The following UBE2D3 variants were observed in gnomAD, a reference collection of about 807,000 sequenced individuals.
UBE2D3 encodes the protein ubiquitin conjugating enzyme E2 D3, also known as ubiquitin-conjugating enzyme E2 D3.
UBE2D3 carries 2 observed loss-of-function variants against 22.8 expected under a neutral mutation model. That is an observed-to-expected ratio of 0.09 (90% CI 0.04 to 0.28). The LOEUF (loss-of-function observed/expected upper bound fraction) is 0.28, where lower values mean the gene tolerates loss of function less well. Among genes scored for constraint, UBE2D3 ranks in the 10% least tolerant of loss-of-function variants. The probability of loss-of-function intolerance (pLI) is 1.00; values close to 1 mark genes in which losing one functional copy is unlikely to be tolerated. For missense variants in UBE2D3, 27 were observed against 182.5 expected, an observed-to-expected ratio of 0.15 and a Z score of 4.91; for synonymous variants, 56 against 60.4, an observed-to-expected ratio of 0.93 and a Z score of 0.34.
intron 1 of UBE2D3, among the ~76,000 whole-genome samples, chr4:102,849,804 G>A (rs993238567): frequency 6.6e-6 from 1 of 152,214 alleles, no homozygotes; most frequent in Admixed American, 6.5e-5. Context: ...TGGAGAAAGT[G>A]AAACTTTGTC....
intron 4 of UBE2D3, among the ~76,000 whole-genome samples, chr4:102,804,537 A>G (rs1290701658): frequency 6.6e-6 from 1 of 152,096 alleles, no homozygotes; most frequent in African/African-American, 2.4e-5. Flanking sequence ...TATTAGATTA[A>G]CATGTCTTTA....
chr4:102,827,140 A>T, intron 1 of UBE2D3: 2 of 986,632 alleles, frequency 2.0e-6, no homozygotes, highest in Non-Finnish European at 2.4e-6. Flanking sequence ...CCCTGACGCC[A>T]CCGTACACTC....
chr4:102,803,959 G>C (rs998336120), intron 4 of UBE2D3, among the ~76,000 whole-genome samples: 1 of 152,082 alleles, frequency 6.6e-6, no homozygotes, highest in Non-Finnish European at 1.5e-5. Context: ...AGTAGAGACT[G>C]AGTTTCACCA....
At position 102,826,540 on chromosome 4, in the gene UBE2D3, C is replaced by G; in HGVS notation, c.-32G>C. On this transcript the variant is annotated 5_prime_UTR_variant, in exon 2 of 8. Coordinates refer to ENST00000453744, the MANE Select transcript of UBE2D3 (RefSeq NM_181891.3). Reference sequence around the variant, plus strand: ...TGCTTGTCGTCTGGCTCCTCACTCTCTCGGTGTATGCTCAAAGGTCCGGCC... The same window carrying G: ...TGCTTGTCGTCTGGCTCCTCACTCTGTCGGTGTATGCTCAAAGGTCCGGCC... 6.2e-7 allele frequency: 1 copy of G among 1,612,472 alleles called. No individual in the cohort carries two copies. The highest frequency in any genetic ancestry group is 8.5e-7 in the Non-Finnish European group (1 of 1,179,994).
At chr4:102,860,122 C>T (rs1234141310) in intron 1 of UBE2D3, among the ~76,000 whole-genome samples, 2 of 148,602 alleles carry the variant, frequency 1.3e-5, no homozygotes, top group African/African-American at 2.4e-5. Context: ...ACTGGGATTA[C>T]AGGCGTGAGC....
intron 1 of UBE2D3, among the ~76,000 whole-genome samples, chr4:102,851,913 A>T (rs1287542803): frequency 6.6e-6 from 1 of 151,754 alleles, no homozygotes; most frequent in African/African-American, 2.4e-5. Context: ...CAGGTGATCC[A>T]CCCACCTCAG....
intron 1 of UBE2D3, among the ~76,000 whole-genome samples, chr4:102,851,033 A>G (rs559767593): frequency 6.6e-6 from 1 of 152,370 alleles, no homozygotes; most frequent in Admixed American, 6.5e-5. Context: ...TCATCACTAA[A>G]GAACTTATCC....
chr4:102,826,075 T>C (rs1730425413), intron 2 of UBE2D3, among the ~76,000 whole-genome samples: 1 of 152,168 alleles, frequency 6.6e-6, no homozygotes, highest in African/African-American at 2.4e-5. Flanking sequence ...CTAGAAGGCC[T>C]AGATAACCTT....
chr4:102,811,724 C>A, intron 2 of UBE2D3: 2 of 421,738 alleles, frequency 4.7e-6, no homozygotes, highest in Admixed American at 3.0e-5. Flanking sequence ...ATACAAAAGA[C>A]CAAGTACTAG....
intron 1 of UBE2D3, among the ~76,000 whole-genome samples, chr4:102,838,001 C>T (rs949957397): frequency 6.6e-6 from 1 of 151,908 alleles, no homozygotes; most frequent in Non-Finnish European, 1.5e-5. Flanking sequence ...TAGCTGTAGT[C>T]TCAGCTATTT....
At chr4:102,835,596 G>A (rs1207075532) in intron 1 of UBE2D3, among the ~76,000 whole-genome samples, 1 of 152,160 alleles carries the variant, frequency 6.6e-6, no homozygotes, top group Admixed American at 6.5e-5. Flanking sequence ...GCTGCCCAAA[G>A]AAACTATTTC....
At chr4:102,802,743 A>G in intron 4 of UBE2D3, 105 bp from the exon 5 acceptor site, 1 of 748,892 alleles carries the variant, frequency 1.3e-6, no homozygotes, top group Non-Finnish European at 2.1e-6. Context: ...CAAATCACCT[A>G]TTTACACTGC....
At chr4:102,837,911 G>A (rs530588714) in intron 1 of UBE2D3, among the ~76,000 whole-genome samples, 62 of 152,218 alleles carry the variant, frequency 4.1e-4, no homozygotes, top group Middle Eastern at 3.4e-3. Context: ...CCGAGATTGC[G>A]CCACTGCACT....
At chr4:102,846,577 A>G (rs1174449671) in intron 1 of UBE2D3, among the ~76,000 whole-genome samples, 1 of 152,172 alleles carries the variant, frequency 6.6e-6, no homozygotes, top group South Asian at 2.1e-4. Flanking sequence ...GAAGGCCTCA[A>G]TTCTCTGACT....
chr4:102,848,118 C>G (rs1046700983), intron 1 of UBE2D3, among the ~76,000 whole-genome samples: 13 of 152,174 alleles, frequency 8.5e-5, no homozygotes, highest in Non-Finnish European at 1.3e-4. Context: ...ATAAGAAAAG[C>G]CAGATGGATC....
At chr4:102,827,183 C>A in intron 1 of UBE2D3, 1 of 987,004 alleles carries the variant, frequency 1.0e-6, no homozygotes, top group Non-Finnish European at 1.2e-6. Context: ...CGCGCGCGCC[C>A]GCCCAGCCAC....
Position 102,795,301 on chromosome 4 carries a change from A to C in UBE2D3, c.*2114T>G, listed in dbSNP as rs1316503181. 1 of 152,118 alleles carries C rather than the reference A, an allele frequency of 6.6e-6. No homozygotes were observed. 9.4% of individuals were successfully genotyped at this position (152,118 alleles called of 1,614,324 possible). A position where few individuals can be genotyped will look rare whatever the true frequency, so the allele number is the denominator to read the frequency against. On this transcript the variant is annotated 3_prime_UTR_variant, in exon 8 of 8. Transcript: ENST00000453744. ...GCCAGTTAGGGATCCACCGTGTTTC[A>C]TAAAAGTGTCTTACACTCATGTTTG...
chr4:102,840,340 G>A (rs938773135), intron 1 of UBE2D3, among the ~76,000 whole-genome samples: 1 of 152,214 alleles, frequency 6.6e-6, no homozygotes, highest in Non-Finnish European at 1.5e-5. Flanking sequence ...ACAGATGAAT[G>A]GATAAAGAAA....
chr4:102,812,982 G>A (rs901698579), intron 2 of UBE2D3: 2 of 152,174 alleles, frequency 1.3e-5, no homozygotes, highest in African/African-American at 2.4e-5. Flanking sequence ...AAGACTATTA[G>A]AGATATTAGC....
Sources: allele counts gnomAD v4.1 joint callset (sites outside exome capture counted in the v4.1 genomes callset), GRCh38; gene constraint gnomAD v4.1.1; transcripts MANE v1.5; gene names NCBI Gene and HGNC (gene_info 2026-07-23, HGNC 2026-07-21).